Variants in PKD1L3 observed in about 807,000 individuals in gnomAD.
PKD1L3 encodes the protein polycystin 1 like 3, transient receptor potential channel interacting.
PKD1L3 carries 239 observed loss-of-function variants against 184.1 expected under a neutral mutation model. That is an observed-to-expected ratio of 1.30 (90% CI 1.17 to 1.45). The LOEUF is 1.45. Among genes scored for constraint, PKD1L3 ranks in the 40% most tolerant of loss-of-function variants. PKD1L3 has a pLI of 0.00. For synonymous variants in PKD1L3, 996 were observed against 778.8 expected (o/e 1.28, Z -4.64); for missense variants, 2,660 against 2,067.2 (o/e 1.29, Z -5.56).
chr16:71,949,083 T>C (rs1477639166), intron 21 of PKD1L3, among the ~76,000 whole-genome samples: 1 of 152,114 alleles, frequency 6.6e-6, no homozygotes, highest in Non-Finnish European at 1.5e-5. Flanking sequence ...ATGAAACAAA[T>C]TGGCCATGAG....
At chr16:71,995,898 C>G (rs62055599) in intron 2 of PKD1L3, among the ~76,000 whole-genome samples, 14,567 of 152,118 alleles carry the variant, frequency 0.096, 960 homozygotes, top group East Asian at 0.17. Context: ...TATGGCCTTG[C>G]CAACGGAAAG....
intron 5 of PKD1L3, among the ~76,000 whole-genome samples, chr16:71,985,139 T>C (rs2040307195): frequency 6.6e-6 from 1 of 152,200 alleles, no homozygotes; most frequent in African/African-American, 2.4e-5. Flanking sequence ...CCTCTTAATA[T>C]TTCTAATAAT....
At chr16:71,976,791 G>A (rs1311203647) in intron 11 of PKD1L3, among the ~76,000 whole-genome samples, 1 of 152,004 alleles carries the variant, frequency 6.6e-6, no homozygotes, top group African/African-American at 2.4e-5. Flanking sequence ...CTCCCAGGCT[G>A]GAGTGCAGTG....
chr16:71,974,638 C>A (rs921674086), intron 11 of PKD1L3, among the ~76,000 whole-genome samples: 1 of 152,152 alleles, frequency 6.6e-6, no homozygotes. Flanking sequence ...GAGTGGAGAT[C>A]GCACCACTGC....
chr16:71,968,364 C>T (rs151047508), intron 13 of PKD1L3, among the ~76,000 whole-genome samples: 1 of 152,188 alleles, frequency 6.6e-6, no homozygotes, highest in Non-Finnish European at 1.5e-5. Flanking sequence ...TTGGGGCACA[C>T]TTACACTAAC....
At chr16:71,982,828 A>T (rs905683184) in intron 6 of PKD1L3, among the ~76,000 whole-genome samples, 3 of 152,068 alleles carry the variant, frequency 2.0e-5, no homozygotes, top group African/African-American at 7.2e-5. Context: ...ACCTGGCCCC[A>T]AGAGATCCTC....
At chr16:71,951,205 A>C (rs2038819232) in intron 19 of PKD1L3, among the ~76,000 whole-genome samples, 1 of 151,080 alleles carries the variant, frequency 6.6e-6, no homozygotes, top group Non-Finnish European at 1.5e-5. Flanking sequence ...ACACCTGGCT[A>C]ATTTTTGTAT....
chr16:71,964,849 A>AT (rs35311851), intron 15 of PKD1L3, among the ~76,000 whole-genome samples: 60,107 of 137,452 alleles, frequency 0.44, 13,331 homozygotes, highest in South Asian at 0.62. Flanking sequence ...ATATATATGT[A>AT]TTTTTTTTTT....
intron 24 of PKD1L3, among the ~76,000 whole-genome samples, chr16:71,938,040 C>T (rs980503421): frequency 3.3e-5 from 5 of 152,178 alleles, no homozygotes; most frequent in African/African-American, 9.7e-5. Flanking sequence ...AGCCCTGCCC[C>T]CTTCTGAGTT....
chr16:71,936,519 CTTTTT>C (rs397785025), intron 25 of PKD1L3, among the ~76,000 whole-genome samples: 2 of 123,542 alleles, frequency 1.6e-5, no homozygotes, highest in South Asian at 2.5e-4. Context: ...TTTTTTTTTT[CTTTTT>C]TTTTTTTTTT....
At position 71,950,229 on chromosome 16, in the gene PKD1L3, C is replaced by G. The variant is rs781780943; in HGVS notation, c.3272G>C (p.Gly1091Ala). 6.4e-6 allele frequency: 10 copies of G among 1,552,016 alleles called. No homozygotes were observed. Among genetic ancestry groups the G allele is most frequent in the Non-Finnish European group, 7.8e-6 (9 of 1,147,082 alleles). ...ACAGGACTGGTGACCCTGGGTGAGA[C>G]CCAGCGTGCCTAAGTGAGATTTCAG... ...QRLKSHLGTL[G>A]LTQGHQSCDF... Residue 1091 changes from glycine (G) to alanine (A), a missense_variant, in exon 20 of 30, where the codon GGT becomes GCT. Coordinates refer to ENST00000620267, the MANE Select transcript of PKD1L3 (RefSeq NM_181536.2).
chr16:71,987,804 G>A (rs2040431590), intron 4 of PKD1L3, among the ~76,000 whole-genome samples: 1 of 152,132 alleles, frequency 6.6e-6, no homozygotes, highest in Non-Finnish European at 1.5e-5. Flanking sequence ...GTGTCTGATG[G>A]AGGGACATTT....
At position 71,963,368 on chromosome 16, in the gene PKD1L3, A is replaced by G; in HGVS notation, c.2466-17T>C. The G allele has an allele frequency of 1.3e-6, 2 of 1,541,146 alleles. No homozygotes were observed. The highest frequency in any genetic ancestry group is 1.8e-6 in the Non-Finnish European group (2 of 1,141,000). On this transcript the variant is annotated splice_polypyrimidine_tract_variant and intron_variant, in intron 15 of 29. Transcript: ENST00000620267. Reference sequence around the variant, plus strand: ...CTGACATACCTATAGTAAAATGAAGATAACCACATTAGGGAGATGGGCTTG... The same window carrying G: ...CTGACATACCTATAGTAAAATGAAGGTAACCACATTAGGGAGATGGGCTTG...
At chr16:71,988,049 G>A (rs918035999) in intron 4 of PKD1L3, among the ~76,000 whole-genome samples, 2 of 137,610 alleles carry the variant, frequency 1.5e-5, no homozygotes, top group African/African-American at 5.6e-5. Context: ...GGAAGACAAA[G>A]GGCTTTGCAG....
Position 71,980,061 on chromosome 16 carries a change from G to A in PKD1L3, c.1217C>T (p.Ser406Phe), listed in dbSNP as rs2040089678. ...IGEAFLEQNQ[S>F]PESSVTLTSA... ...GGTCAAAGTCACTGAAGACTCGGGA[G>A]ACTGGTTCTGCTCTAGAAATGCTTC... The change falls in exon 8 of 30, where the codon TCT becomes TTT. Residue 406 changes from serine (S) to phenylalanine (F), a missense_variant. By Grantham distance (155) the Ser-to-Phe change is radical. Transcript: ENST00000620267. The A allele has an allele frequency of 4.5e-6, 7 of 1,551,794 alleles. No individual in the cohort carries two copies. The highest frequency in any genetic ancestry group is 5.2e-6 in the Non-Finnish European group (6 of 1,147,064).
At chr16:71,933,194 TGAG>T (rs2143112147) in intron 28 of PKD1L3, among the ~76,000 whole-genome samples, 1 of 151,868 alleles carries the variant, frequency 6.6e-6, no homozygotes, top group African/African-American at 2.4e-5. Context: ...ACACAAGAAG[TGAG>T]GAAGGAGGGA....
rs148911916 is a variant in PKD1L3, at chr16:71,989,241, G to T, written c.585+1039C>A. On this transcript the variant is annotated intron_variant, in intron 4 of 29. Coordinates refer to ENST00000620267, the MANE Select transcript of PKD1L3 (RefSeq NM_181536.2). ...ACAATCTTGGCCCACTGCAAACTCC[G>T]CCTCCTGGGTTCAAGTGATTCTCCT... 3.9e-3 allele frequency among the ~76,000 whole-genome samples: 598 copies of T among 152,252 alleles called. 7 individuals are homozygous for T. The highest frequency in any genetic ancestry group is 0.033 in the South Asian group (159 of 4,826).
intron 16 of PKD1L3, among the ~76,000 whole-genome samples, chr16:71,960,058 G>A (rs8052028): frequency 0.25 from 38,498 of 151,790 alleles, 5,722 homozygotes; most frequent in East Asian, 0.65. Flanking sequence ...CGAGGTTGAG[G>A]CTACAGTGAG....
chr16:71,969,673 C>T (rs1267139000), intron 13 of PKD1L3, among the ~76,000 whole-genome samples: 1 of 147,432 alleles, frequency 6.8e-6, no homozygotes, highest in Non-Finnish European at 1.5e-5. Flanking sequence ...ATCTTGGAAC[C>T]AAAGGAAAAA....
Sources: allele counts gnomAD v4.1 joint callset (sites outside exome capture counted in the v4.1 genomes callset), GRCh38; gene constraint gnomAD v4.1.1; transcripts MANE v1.5; gene names NCBI Gene and HGNC (gene_info 2026-07-23, HGNC 2026-07-21).